Variants in PCDH15 observed in about 807,000 individuals in gnomAD.
The protein encoded by PCDH15 is protocadherin related 15, also known as protocadherin-15.
A neutral mutation model predicts 178.5 loss-of-function variants in PCDH15; 129 were observed. The ratio of observed to expected loss-of-function variants is 0.72; its 90% confidence interval spans 0.63 to 0.84. The LOEUF (loss-of-function observed/expected upper bound fraction) is 0.84, where lower values mean the gene tolerates loss of function less well. PCDH15 is among the 40% of genes least tolerant of loss of function. The pLI, the probability that PCDH15 is intolerant of heterozygous loss-of-function variation, is 0.00. For synonymous variants in PCDH15, 800 were observed against 732.0 expected (o/e 1.09, Z -1.50); for missense variants, 2,230 against 2,099.9 (o/e 1.06, Z -1.21).
At chr10:55,523,707 A>G (rs1281580366) in intron 2 of PCDH15, among the ~76,000 whole-genome samples, 2 of 151,606 alleles carry the variant, frequency 1.3e-5, no homozygotes, top group African/African-American at 4.8e-5. Flanking sequence ...CCATGAGTTC[A>G]ACCTTATCAG....
chr10:55,081,328 G>C (rs1487042564), intron 2 of PCDH15, among the ~76,000 whole-genome samples: 2 of 152,102 alleles, frequency 1.3e-5, no homozygotes. Context: ...CAGCCAGCTT[G>C]AAACAATCTC....
intron 1 of PCDH15, among the ~76,000 whole-genome samples, chr10:55,182,559 G>C (rs1024260578): frequency 4.6e-5 from 7 of 151,910 alleles, no homozygotes; most frequent in African/African-American, 1.7e-4. Context: ...GATCTATAAA[G>C]CATATTCTAG....
chr10:55,149,537 A>G (rs1838638781), intron 2 of PCDH15, among the ~76,000 whole-genome samples: 1 of 152,098 alleles, frequency 6.6e-6, no homozygotes, highest in Non-Finnish European at 1.5e-5. Flanking sequence ...TATAACAGTT[A>G]GAAATCTATG....
intron 3 of PCDH15, among the ~76,000 whole-genome samples, chr10:54,855,094 C>T (rs1268195356): frequency 6.6e-6 from 1 of 152,226 alleles, no homozygotes; most frequent in Non-Finnish European, 1.5e-5. Flanking sequence ...TACACACACA[C>T]CCGGGCTCGG....
intron 2 of PCDH15, among the ~76,000 whole-genome samples, chr10:55,613,904 C>G (rs374602420): frequency 6.6e-6 from 1 of 151,944 alleles, no homozygotes; most frequent in Non-Finnish European, 1.5e-5. Context: ...GTCAGGAGAT[C>G]GAGACCATAC....
intron 1 of PCDH15, among the ~76,000 whole-genome samples, chr10:55,270,174 A>G (rs764087335): frequency 1.3e-5 from 2 of 152,184 alleles, no homozygotes; most frequent in South Asian, 2.1e-4. Flanking sequence ...CTCAAATCCT[A>G]TAACAACCCT....
At chr10:54,273,222 A>T (rs1490749395) in intron 8 of PCDH15, among the ~76,000 whole-genome samples, 2 of 152,136 alleles carry the variant, frequency 1.3e-5, no homozygotes, top group Non-Finnish European at 2.9e-5. Context: ...CTTTATTTAG[A>T]ACTTAATGAC....
At chr10:54,022,842 G>T in intron 19 of PCDH15, 50 bp downstream of exon 19, 1 of 1,595,260 alleles carries the variant, frequency 6.3e-7, no homozygotes. Flanking sequence ...AACCCTAATA[G>T]CAAATCTCCT....
At chr10:55,089,950 G>C (rs1742097762) in intron 2 of PCDH15, among the ~76,000 whole-genome samples, 2 of 152,066 alleles carry the variant, frequency 1.3e-5, no homozygotes, top group African/African-American at 2.4e-5. Context: ...TTAGTTACCA[G>C]TGTGTGGGGG....
intron 3 of PCDH15, among the ~76,000 whole-genome samples, chr10:54,436,306 A>T (rs2075414945): frequency 6.6e-6 from 1 of 152,112 alleles, no homozygotes; most frequent in Non-Finnish European, 1.5e-5. Flanking sequence ...AAGAAAGTAA[A>T]GTTACCCTGG....
At chr10:55,391,603 C>T (rs1480199469) in intron 2 of PCDH15, among the ~76,000 whole-genome samples, 5 of 152,188 alleles carry the variant, frequency 3.3e-5, no homozygotes, top group African/African-American at 9.6e-5. Flanking sequence ...TCTCTTGCCT[C>T]AGCCTCCTGA....
chr10:54,667,689 G>A (rs1246998948), intron 1 of PCDH15, among the ~76,000 whole-genome samples: 2 of 151,918 alleles, frequency 1.3e-5, no homozygotes, highest in Non-Finnish European at 2.9e-5. Flanking sequence ...CATGTTCCCC[G>A]AGTATATATT....
chr10:55,112,869 A>G (rs1837542252), intron 2 of PCDH15, among the ~76,000 whole-genome samples: 1 of 152,198 alleles, frequency 6.6e-6, no homozygotes, highest in Non-Finnish European at 1.5e-5. Context: ...ACACATAAAA[A>G]GACCCAAAAT....
intron 2 of PCDH15, among the ~76,000 whole-genome samples, chr10:55,350,707 T>C (rs545861929): frequency 2.0e-5 from 3 of 152,236 alleles, no homozygotes; most frequent in Admixed American, 2.0e-4. Flanking sequence ...ATAATTTTTT[T>C]CATGTTATTA....
intron 2 of PCDH15, among the ~76,000 whole-genome samples, chr10:55,457,742 A>G (rs533424833): frequency 1.3e-5 from 2 of 152,198 alleles, no homozygotes; most frequent in East Asian, 1.9e-4. Context: ...AAGAAGCCAG[A>G]CATTTTTAGG....
intron 1 of PCDH15, among the ~76,000 whole-genome samples, chr10:55,304,835 T>C (rs943122192): frequency 6.6e-6 from 1 of 152,206 alleles, no homozygotes; most frequent in Non-Finnish European, 1.5e-5. Context: ...TGATTATCTG[T>C]ATATGGATGT....
At chr10:54,198,847 A>C (rs1353286966) in intron 10 of PCDH15, among the ~76,000 whole-genome samples, 1 of 151,946 alleles carries the variant, frequency 6.6e-6, no homozygotes, top group East Asian at 1.9e-4. Context: ...AAATTCTACA[A>C]CTTTTCCTCT....
At chr10:55,078,956 C>T (rs181971162) in intron 2 of PCDH15, among the ~76,000 whole-genome samples, 28 of 152,190 alleles carry the variant, frequency 1.8e-4, no homozygotes, top group Admixed American at 6.6e-5. Context: ...ATGAGTTCTT[C>T]GCTTCCAGGA....
chr10:55,550,726 T>G (rs1243908243), intron 2 of PCDH15, among the ~76,000 whole-genome samples: 1 of 152,122 alleles, frequency 6.6e-6, no homozygotes, highest in African/African-American at 2.4e-5. Flanking sequence ...CCACTGTATA[T>G]TTCAAGAATA....
Sources: allele counts gnomAD v4.1 joint callset (sites outside exome capture counted in the v4.1 genomes callset), GRCh38; gene constraint gnomAD v4.1.1; transcripts MANE v1.5; gene names NCBI Gene and HGNC (gene_info 2026-07-23, HGNC 2026-07-21).